The following KCNIP4 variants were observed in gnomAD, a reference collection of about 807,000 sequenced individuals.
The protein encoded by KCNIP4 is Kv channel-interacting protein 4.
A neutral mutation model predicts 34.0 loss-of-function variants in KCNIP4; 12 were observed. The observed-to-expected ratio is 0.35, with a 90% CI of 0.23 to 0.57. The LOEUF (loss-of-function observed/expected upper bound fraction) is 0.57, where lower values mean the gene tolerates loss of function less well. Ranked by LOEUF, KCNIP4 falls within the 20% of genes least tolerant of loss-of-function variation. The pLI, the probability that KCNIP4 is intolerant of heterozygous loss-of-function variation, is 0.83. For missense variants in KCNIP4, 238 were observed against 311.7 expected (o/e 0.76, Z 1.78); for synonymous variants, 124 against 102.2 (o/e 1.21, Z -1.29).
intron 1 of KCNIP4, among the ~76,000 whole-genome samples, chr4:21,038,144 A>C (rs1235690339): frequency 6.6e-6 from 1 of 152,102 alleles, no homozygotes; most frequent in Admixed American, 6.5e-5. Context: ...CGCCCAGCTA[A>C]CTTTTTTATT....
intron 1 of KCNIP4, among the ~76,000 whole-genome samples, chr4:21,108,629 C>T (rs1303683128): frequency 1.3e-5 from 2 of 151,668 alleles, no homozygotes; most frequent in South Asian, 2.1e-4. Context: ...AGCTTTGTTC[C>T]ATTGCTGGTG....
intron 3 of KCNIP4, among the ~76,000 whole-genome samples, chr4:20,775,251 T>C (rs138776128): frequency 1.1e-3 from 167 of 152,218 alleles, no homozygotes; most frequent in African/African-American, 3.7e-3. Context: ...AATCTTGTGC[T>C]CCTATCTCCA....
chr4:20,920,298 T>C (rs900206346), intron 1 of KCNIP4, among the ~76,000 whole-genome samples: 5 of 152,190 alleles, frequency 3.3e-5, no homozygotes, highest in African/African-American at 4.8e-5. Context: ...GCCCTGCCGA[T>C]ATGGACTAGG....
intron 1 of KCNIP4, among the ~76,000 whole-genome samples, chr4:21,771,304 C>G (rs905489989): frequency 1.3e-5 from 2 of 152,130 alleles, no homozygotes; most frequent in Non-Finnish European, 2.9e-5. Context: ...TTCTACATGT[C>G]TGTTTTGGTA....
chr4:21,714,813 TA>T (rs1430648071), intron 1 of KCNIP4, among the ~76,000 whole-genome samples: 1 of 352 alleles, frequency 2.8e-3, no homozygotes, highest in Non-Finnish European at 5.8e-3. Context: ...TATTTTATTT[TA>T]TTTTATTTTA....
intron 1 of KCNIP4, among the ~76,000 whole-genome samples, chr4:21,531,363 C>CCCTT (rs1736670796): frequency 7.8e-6 from 1 of 128,652 alleles, no homozygotes; most frequent in Non-Finnish European, 1.7e-5. Flanking sequence ...CTCCCTCCCT[C>CCCTT]CCTCCCTTCC....
At chr4:20,738,811 C>G (rs1750329922) in intron 5 of KCNIP4, among the ~76,000 whole-genome samples, 2 of 152,164 alleles carry the variant, frequency 1.3e-5, no homozygotes, top group Admixed American at 1.3e-4. Context: ...CCAGGAAGCG[C>G]AAGGGGTTGG....
intron 1 of KCNIP4, chr4:21,847,905 C>T (rs569056329): frequency 2.0e-5 from 3 of 152,180 alleles, no homozygotes; most frequent in Admixed American, 2.0e-4. Flanking sequence ...TATCCCTTCA[C>T]TAGCAACAAA....
chr4:21,008,142 A>AT (rs1257949163), intron 1 of KCNIP4, among the ~76,000 whole-genome samples: 5 of 152,174 alleles, frequency 3.3e-5, no homozygotes, highest in East Asian at 1.9e-4. Context: ...AAATCTGTTG[A>AT]TTTTTTCCAG....
At chr4:21,297,325 G>C (rs185022942) in intron 1 of KCNIP4, among the ~76,000 whole-genome samples, 51 of 152,036 alleles carry the variant, frequency 3.4e-4, no homozygotes, top group African/African-American at 1.2e-3. Context: ...AAGTCATAGA[G>C]GTGAAAAACA....
At position 20,728,701 on chromosome 4, in the gene KCNIP4, G is replaced by T. The variant is rs1278270832; in HGVS notation, c.*1381C>A. On this transcript the variant is annotated 3_prime_UTR_variant, in exon 9 of 9. Transcript: ENST00000382152. Reference sequence around the variant, plus strand: ...CACAAACACGTGATGGCAAATTTCAGTGTACATGTATTGTACTACTCTTAA... The same window carrying T: ...CACAAACACGTGATGGCAAATTTCATTGTACATGTATTGTACTACTCTTAA... 1 of 152,672 alleles carries T rather than the reference G, an allele frequency of 6.5e-6. No individual in the cohort carries two copies. Among genetic ancestry groups the T allele is most frequent in the East Asian group, 1.9e-4 (1 of 5,176 alleles). The allele number at this position is 152,672 out of a possible 1,614,324, so 9.5% of individuals were successfully genotyped here.
intron 1 of KCNIP4, among the ~76,000 whole-genome samples, chr4:20,941,502 G>C (rs901246766): frequency 3.3e-5 from 5 of 152,074 alleles, no homozygotes; most frequent in African/African-American, 1.2e-4. Flanking sequence ...GGAGAAAGAA[G>C]GACAAAAGAA....
chr4:21,384,598 T>C (rs1379565749), intron 1 of KCNIP4, among the ~76,000 whole-genome samples: 2 of 152,234 alleles, frequency 1.3e-5, no homozygotes, highest in African/African-American at 4.8e-5. Context: ...GTTAAGCCTG[T>C]GCCTGTAAGA....
At chr4:21,875,186 G>A (rs1428896851) in intron 1 of KCNIP4, among the ~76,000 whole-genome samples, 6 of 152,122 alleles carry the variant, frequency 3.9e-5, no homozygotes, top group Admixed American at 6.6e-5. Context: ...GAAAAGCCAC[G>A]ATGCAGACTT....
At chr4:21,043,632 C>T (rs868001300) in intron 1 of KCNIP4, among the ~76,000 whole-genome samples, 8 of 152,062 alleles carry the variant, frequency 5.3e-5, no homozygotes, top group African/African-American at 1.7e-4. Flanking sequence ...AGCCACTGCA[C>T]CCAGCCCTGT....
At chr4:21,066,552 A>T (rs1239968403) in intron 1 of KCNIP4, among the ~76,000 whole-genome samples, 1 of 142,154 alleles carries the variant, frequency 7.0e-6, no homozygotes, top group Admixed American at 7.0e-5. Context: ...ATGTATTGCC[A>T]TGCGGCACTG....
chr4:21,400,711 C>T (rs981443003), intron 1 of KCNIP4, among the ~76,000 whole-genome samples: 1 of 151,912 alleles, frequency 6.6e-6, no homozygotes, highest in African/African-American at 2.4e-5. Flanking sequence ...GGTTAGGGCT[C>T]ATGAATATAT....
chr4:20,986,125 G>A (rs192362883), intron 1 of KCNIP4, among the ~76,000 whole-genome samples: 194 of 152,222 alleles, frequency 1.3e-3, no homozygotes, highest in African/African-American at 4.0e-3. Flanking sequence ...GCTCTGCAAG[G>A]TCTCCTTGGA....
intron 1 of KCNIP4, among the ~76,000 whole-genome samples, chr4:21,801,622 T>TA (rs1220112836): frequency 1.6e-3 from 249 of 151,574 alleles, no homozygotes; most frequent in Middle Eastern, 3.4e-3. Flanking sequence ...TTATTATTAT[T>TA]TTTTGAGATG....
Sources: gnomAD v4.1 joint callset for allele counts (sites outside exome capture counted in the v4.1 genomes callset) on GRCh38, gnomAD v4.1.1 for gene constraint, MANE v1.5 for transcripts, NCBI Gene and HGNC (gene_info 2026-07-23, HGNC 2026-07-21) for gene names.